The following BLOC1S5 variants were observed in gnomAD, a reference collection of about 807,000 sequenced individuals.
BLOC1S5 encodes the protein biogenesis of lysosomal organelles complex 1 subunit 5.
A neutral mutation model predicts 24.3 loss-of-function variants in BLOC1S5; 27 were observed. The observed-to-expected ratio is 1.11, with a 90% confidence interval of 0.82 to 1.53. The LOEUF is 1.53. Ranked by LOEUF, BLOC1S5 falls within the 40% of genes most tolerant of loss-of-function variation. The probability of loss-of-function intolerance (pLI) is 0.00; values close to 1 mark genes in which losing one functional copy is unlikely to be tolerated. For synonymous variants in BLOC1S5, 84 were observed against 74.5 expected, an observed-to-expected ratio of 1.13 and a Z score of -0.66; for missense variants, 239 against 229.4, an observed-to-expected ratio of 1.04 and a Z score of -0.27.
chr6:8,030,054 A>G (rs1020784563), intron 3 of BLOC1S5, among the ~76,000 whole-genome samples: 14 of 152,246 alleles, frequency 9.2e-5, no homozygotes, highest in Non-Finnish European at 1.6e-4. Context: ...TGAGATGGCA[A>G]TATATGAACT....
chr6:8,040,830 T>G (rs1366834080), intron 3 of BLOC1S5, among the ~76,000 whole-genome samples: 1 of 151,426 alleles, frequency 6.6e-6, no homozygotes, highest in South Asian at 2.1e-4. Flanking sequence ...CACTCCAGCC[T>G]GGGACACAGA....
intron 4 of BLOC1S5, among the ~76,000 whole-genome samples, chr6:8,021,813 T>C (rs894009622): frequency 6.6e-6 from 1 of 152,150 alleles, no homozygotes; most frequent in Non-Finnish European, 1.5e-5. Flanking sequence ...AATTGCACTC[T>C]TCAAGATAAA....
At chr6:8,029,091 C>G (rs926483581) in intron 3 of BLOC1S5, among the ~76,000 whole-genome samples, 23 of 151,690 alleles carry the variant, frequency 1.5e-4, no homozygotes, top group African/African-American at 5.4e-4. Flanking sequence ...GAAACAAATT[C>G]ATTCTATCAT....
Position 8,041,203 on chromosome 6 carries a change from A to G in BLOC1S5, c.261T>C (p.Asn87=), listed in dbSNP as rs373227951. ...CTCTACATTTGGGAAGAGTATGTTC[A>G]TTTGTTTCATGGATCATGTTCTTCA... The part of the protein sequence containing the change: ...ENLKNMIHET[N]EHTLPKCRDT... Residue 87 remains asparagine, a synonymous_variant, in exon 3 of 5, where the codon AAT becomes AAC. Transcript: ENST00000397457. The G allele has an allele frequency of 2.0e-5, 33 of 1,612,178 alleles. No individual in the cohort carries two copies. In the African/African-American group the frequency reaches 3.8e-4, roughly 18 times the overall value.
chr6:8,052,468 A>T (rs1157065450), intron 2 of BLOC1S5, among the ~76,000 whole-genome samples: 1 of 152,190 alleles, frequency 6.6e-6, no homozygotes, highest in Non-Finnish European at 1.5e-5. Context: ...GAAGAGGTCA[A>T]AGTATCAACA....
Position 8,064,292 on chromosome 6 carries a change from C to T in BLOC1S5, c.85G>A (p.Ala29Thr), listed in dbSNP as rs1757372877. The stretch of plus-strand genomic sequence containing the variant: ...TTGATAATGAGGTGCGCTGAGCCCG[C>T]AGTCCCCAGGGAGTCCCTCTTCTTG... ...GSKKRDSLGTAGSAHLIIKDL... is the reference protein window; with the variant it reads ...GSKKRDSLGTTGSAHLIIKDL... Residue 29 changes from alanine to threonine, a missense_variant, in exon 1 of 5, where the codon GCG becomes ACG. Coordinates refer to ENST00000397457, the MANE Select transcript of BLOC1S5 (RefSeq NM_201280.3). The T allele has an allele frequency of 6.2e-7, 1 of 1,613,804 alleles. No homozygotes were observed. Among genetic ancestry groups the T allele is most frequent in the Non-Finnish European group, 8.5e-7 (1 of 1,179,822 alleles).
At chr6:8,035,555 G>T (rs1370969194) in intron 3 of BLOC1S5, among the ~76,000 whole-genome samples, 1 of 152,094 alleles carries the variant, frequency 6.6e-6, no homozygotes, top group African/African-American at 2.4e-5. Context: ...GATATTCCAT[G>T]CAACTGGAGA....
At chr6:8,057,411 GTTTA>G (rs1415186152) in intron 2 of BLOC1S5, among the ~76,000 whole-genome samples, 1 of 152,188 alleles carries the variant, frequency 6.6e-6, no homozygotes, top group East Asian at 1.9e-4. Flanking sequence ...ACTAACATTT[GTTTA>G]TTTATATATG....
chr6:8,047,165 CA>C (rs1271263744), intron 2 of BLOC1S5, among the ~76,000 whole-genome samples: 3 of 20,798 alleles, frequency 1.4e-4, no homozygotes, highest in Admixed American at 1.0e-3. Context: ...CTCTCTCACA[CA>C]CACACACACA....
intron 3 of BLOC1S5, among the ~76,000 whole-genome samples, chr6:8,027,850 A>C (rs1289434856): frequency 3.3e-5 from 5 of 151,968 alleles, no homozygotes; most frequent in Non-Finnish European, 5.9e-5. Flanking sequence ...TACAATAAGC[A>C]ATCAAGAACT....
At position 8,015,671 on chromosome 6, in the gene BLOC1S5, A is replaced by T; in HGVS notation, c.542T>A (p.Leu181Gln). The T allele has an allele frequency of 6.2e-7, 1 of 1,610,732 alleles. No individual in the cohort carries two copies. The highest frequency in any genetic ancestry group is 8.5e-7 in the Non-Finnish European group (1 of 1,179,180). ...KEQYAEMEKD[L>Q]AKFSTF Reference sequence around the variant, plus strand: ...TTCTTAAAAGGTTGAAAATTTCGCTAGGTCCTTCTCCATCTCAGCATATTG... The same window carrying T: ...TTCTTAAAAGGTTGAAAATTTCGCTTGGTCCTTCTCCATCTCAGCATATTG... Residue 181 changes from leucine (L) to glutamine (Q), a missense_variant, in exon 5 of 5, where the codon CTA (leucine) becomes CAA (glutamine). Coordinates refer to ENST00000397457, the MANE Select transcript of BLOC1S5 (RefSeq NM_201280.3).
At chr6:8,031,206 A>G (rs576178958) in intron 3 of BLOC1S5, among the ~76,000 whole-genome samples, 7 of 152,330 alleles carry the variant, frequency 4.6e-5, no homozygotes, top group African/African-American at 1.7e-4. Flanking sequence ...GTCACTGATG[A>G]TATTATCGTA....
chr6:8,023,961 A>G (rs948005129), intron 4 of BLOC1S5, among the ~76,000 whole-genome samples: 3 of 152,192 alleles, frequency 2.0e-5, no homozygotes, highest in African/African-American at 7.2e-5. Flanking sequence ...TAAAGACAGG[A>G]CTAAAAGTTT....
At chr6:8,044,807 A>C (rs1244676884) in intron 2 of BLOC1S5, among the ~76,000 whole-genome samples, 1 of 152,212 alleles carries the variant, frequency 6.6e-6, no homozygotes, top group Non-Finnish European at 1.5e-5. Context: ...CTGGTGGAAG[A>C]AATTTCTAAG....
At chr6:8,056,486 A>G (rs1302835555) in intron 2 of BLOC1S5, among the ~76,000 whole-genome samples, 1 of 152,214 alleles carries the variant, frequency 6.6e-6, no homozygotes, top group Non-Finnish European at 1.5e-5. Flanking sequence ...AAAACAAAAC[A>G]TAAAACTATG....
rs35623258 is a variant in BLOC1S5 at position 8,050,601 on chromosome 6, CT to C, written c.196-9334del. ...AGCCAAGATGAGAATGGAAAAGAAA[CT>C]TTTTTTTTTTTTTTTATTGAGACAG... On this transcript the variant is annotated intron_variant, in intron 2 of 4. Transcript: ENST00000397457. Among the ~76,000 whole-genome samples, 811 of 137,788 alleles carry C rather than the reference CT, an allele frequency of 5.9e-3. 5 individuals are homozygous for C. Among genetic ancestry groups the C allele is most frequent in the African/African-American group, 0.018 (711 of 38,632 alleles). The allele number at this position is 137,788 out of a possible 152,430, so 90.4% of individuals were successfully genotyped here. A position where few individuals can be genotyped will look rare whatever the true frequency, so the allele number is the denominator to read the frequency against.
intron 4 of BLOC1S5, among the ~76,000 whole-genome samples, chr6:8,021,155 A>C (rs1762901659): frequency 6.6e-6 from 1 of 152,240 alleles, no homozygotes; most frequent in African/African-American, 2.4e-5. Context: ...CAGAAAAGAG[A>C]CAAATGTTAT....
chr6:8,013,713 T>C lies in BLOC1S5; in HGVS notation c.*1936A>G, dbSNP rs1762650808. The C allele has an allele frequency of 6.6e-6, 1 of 152,362 alleles. No homozygotes were observed. Among genetic ancestry groups the C allele is most frequent in the South Asian group, 2.1e-4 (1 of 4,826 alleles). 9.4% of individuals were successfully genotyped at this position (152,362 alleles called of 1,614,324 possible). A position where few individuals can be genotyped will look rare whatever the true frequency, so the allele number is the denominator to read the frequency against. ...GTTACAGCATTCGTTCAATGATGTG[T>C]TGGCAATTAATCGCATTCCAAAAAG... On this transcript the variant is annotated 3_prime_UTR_variant, in exon 5 of 5. Transcript: ENST00000397457.
chr6:8,039,681 C>T (rs1200312672), intron 3 of BLOC1S5, among the ~76,000 whole-genome samples: 2 of 151,822 alleles, frequency 1.3e-5, no homozygotes, highest in East Asian at 1.9e-4. Context: ...AGATTTTGGC[C>T]GAATGCTCAC....
Sources: gnomAD v4.1 joint callset for allele counts (sites outside exome capture counted in the v4.1 genomes callset) on GRCh38, gnomAD v4.1.1 for gene constraint, MANE v1.5 for transcripts, NCBI Gene and HGNC (gene_info 2026-07-23, HGNC 2026-07-21) for gene names.